TBC1D12: variants seen among roughly 807,000 people sequenced by gnomAD.
The protein encoded by TBC1D12 is TBC1 domain family member 12, also known as TBC1 domain family, member 12.
TBC1D12 carries 56 observed loss-of-function variants against 86.7 expected under a neutral mutation model. That is an observed-to-expected ratio of 0.65 (90% confidence interval 0.52 to 0.81). TBC1D12 has a LOEUF of 0.81. TBC1D12 is among the 30% of genes least tolerant of loss of function. The pLI, the probability that TBC1D12 is intolerant of heterozygous loss-of-function variation, is 0.00. For synonymous variants in TBC1D12, 421 were observed against 411.7 expected (o/e 1.02, Z -0.27); for missense variants, 1,023 against 1,038.8 (o/e 0.98, Z 0.21).
intron 1 of TBC1D12, among the ~76,000 whole-genome samples, chr10:94,422,772 A>G (rs1215345138): frequency 6.6e-6 from 1 of 151,562 alleles, no homozygotes; most frequent in Non-Finnish European, 1.5e-5. Flanking sequence ...GTGTTTCAGT[A>G]TGTTGTCCTG....
chr10:94,523,151 C>T (rs1842199282), intron 11 of TBC1D12, among the ~76,000 whole-genome samples: 1 of 141,298 alleles, frequency 7.1e-6, no homozygotes, highest in African/African-American at 2.6e-5. Context: ...CGAGATCACA[C>T]CCCAGCACTG....
At position 94,403,262 on chromosome 10, in the gene TBC1D12, A is replaced by G. The variant is rs1226089747; in HGVS notation, c.649A>G (p.Ser217Gly). The G allele has an allele frequency of 2.0e-6, 3 of 1,503,900 alleles. No homozygotes were observed. Among genetic ancestry groups the G allele is most frequent in the Non-Finnish European group, 1.8e-6 (2 of 1,128,214 alleles). The allele number at this position is 1,503,900 out of a possible 1,614,324, so 93.2% of individuals were successfully genotyped here. A position where few individuals can be genotyped will look rare whatever the true frequency, so the allele number is the denominator to read the frequency against. Reference protein sequence around the residue: ...ADAQEPEGAGSDSGDSPASSC... With the variant: ...ADAQEPEGAGGDSGDSPASSC... ...CGCCCAGGAGCCCGAGGGCGCGGGC[A>G]GCGACTCGGGGGACAGCCCCGCCAG... Residue 217 changes from serine (S) to glycine (G), a missense_variant, in exon 1 of 13, where the codon AGC becomes GGC. Ser to Gly is a moderately conservative substitution (Grantham distance 56, BLOSUM62 0). Coordinates refer to ENST00000225235, the MANE Select transcript of TBC1D12 (RefSeq NM_015188.2).
intron 3 of TBC1D12, among the ~76,000 whole-genome samples, chr10:94,479,638 G>A (rs911819390): frequency 3.9e-5 from 6 of 152,118 alleles, no homozygotes; most frequent in African/African-American, 1.4e-4. Context: ...CAAGATTTAA[G>A]GTAGTTAGTA....
At chr10:94,449,937 G>A (rs1031927787) in intron 2 of TBC1D12, among the ~76,000 whole-genome samples, 33 of 152,108 alleles carry the variant, frequency 2.2e-4, no homozygotes, top group Non-Finnish European at 1.5e-5. Context: ...TTGGTAAATC[G>A]CTTTCGCTAC....
rs2054799625 is a variant in TBC1D12 at position 94,403,416 on chromosome 10, A to G, written c.803A>G (p.Asp268Gly). 1.3e-6 allele frequency: 2 copies of G among 1,549,910 alleles called. No individual in the cohort carries two copies. The highest frequency in any genetic ancestry group is 1.7e-6 in the Non-Finnish European group (2 of 1,147,834). The change falls in exon 1 of 13, where the codon GAC (aspartate) becomes GGC (glycine). Residue 268 changes from aspartate (D) to glycine (G), a missense_variant. Coordinates refer to ENST00000225235, the MANE Select transcript of TBC1D12 (RefSeq NM_015188.2). Reference sequence around the variant, plus strand: ...GCGGAGCCGCGCCTGGGCTTTTCTGACATTCACTTCAACTCTCGCAACACG... The same window carrying G: ...GCGGAGCCGCGCCTGGGCTTTTCTGGCATTCACTTCAACTCTCGCAACACG... ...GGAEPRLGFS[D>G]IHFNSRNTFQ...
intron 9 of TBC1D12, among the ~76,000 whole-genome samples, chr10:94,513,856 G>C (rs1325862979): frequency 1.3e-5 from 2 of 152,096 alleles, no homozygotes; most frequent in Non-Finnish European, 2.9e-5. Flanking sequence ...ACTGTGCCTG[G>C]CTGATATTAT....
intron 2 of TBC1D12, among the ~76,000 whole-genome samples, chr10:94,470,765 T>C (rs1041279929): frequency 6.6e-6 from 1 of 151,378 alleles, no homozygotes; most frequent in Non-Finnish European, 1.5e-5. Flanking sequence ...CTGATTGCAT[T>C]AGGATGGCAT....
At chr10:94,423,342 C>CTTTTTTTT (rs71486719) in intron 1 of TBC1D12, among the ~76,000 whole-genome samples, 4 of 94,246 alleles carry the variant, frequency 4.2e-5, no homozygotes, top group Non-Finnish European at 5.8e-5. Context: ...CATTCACCAT[C>CTTTTTTTT]TTTTTTTTTT....
At chr10:94,419,165 G>A (rs746533975) in intron 1 of TBC1D12, among the ~76,000 whole-genome samples, 11 of 152,096 alleles carry the variant, frequency 7.2e-5, no homozygotes, top group East Asian at 1.9e-4. Flanking sequence ...GAGTCACCGC[G>A]CCTGGCCTCC....
intron 1 of TBC1D12, among the ~76,000 whole-genome samples, chr10:94,440,117 A>C (rs759532970): frequency 6.6e-6 from 1 of 152,104 alleles, no homozygotes; most frequent in Non-Finnish European, 1.5e-5. Flanking sequence ...CTCTAGTGTC[A>C]TATGTTTATT....
rs1382763462 is a variant in TBC1D12, at chr10:94,422,713, T to C, written c.971+19129T>C. ...CCTTAGCCTTTTGAGTAGTGGGGAC[T>C]ACAGGTACCGTGCTTGGCTATTTTC... On this transcript the variant is annotated intron_variant, in intron 1 of 12. Coordinates refer to ENST00000225235, the MANE Select transcript of TBC1D12 (RefSeq NM_015188.2). Among the ~76,000 whole-genome samples, 14 of 152,170 alleles carry C rather than the reference T, an allele frequency of 9.2e-5. 1 individual carries two copies. In the East Asian group the frequency reaches 2.1e-3, roughly 23 times the overall value.
intron 2 of TBC1D12, among the ~76,000 whole-genome samples, chr10:94,466,577 T>C (rs890700657): frequency 6.6e-6 from 1 of 152,190 alleles, no homozygotes. Flanking sequence ...CCTTTTTTGT[T>C]TGTTTTAATA....
intron 6 of TBC1D12, 127 bp from the exon 7 acceptor site, chr10:94,507,140 G>T: frequency 2.4e-6 from 2 of 826,282 alleles, no homozygotes; most frequent in Middle Eastern, 2.3e-4. Flanking sequence ...ACTTAGATTT[G>T]CCACTTTTTT....
intron 9 of TBC1D12, among the ~76,000 whole-genome samples, chr10:94,514,928 G>C (rs985954909): frequency 9.0e-6 from 1 of 111,584 alleles, no homozygotes; most frequent in African/African-American, 3.6e-5. Flanking sequence ...TTTTTTTTGA[G>C]ACGGAGTCTC....
At chr10:94,460,721 C>T (rs1461724333) in intron 2 of TBC1D12, among the ~76,000 whole-genome samples, 1 of 151,998 alleles carries the variant, frequency 6.6e-6, no homozygotes, top group African/African-American at 2.4e-5. Context: ...TTCCTCCCCT[C>T]TCTCTTGTCC....
intron 3 of TBC1D12, among the ~76,000 whole-genome samples, chr10:94,481,574 G>C (rs1490580998): frequency 6.6e-6 from 1 of 152,220 alleles, no homozygotes; most frequent in East Asian, 1.9e-4. Context: ...AAGAGAGTTA[G>C]GGCCTTGCTA....
intron 7 of TBC1D12, chr10:94,509,316 C>G (rs955502756): frequency 6.9e-5 from 5 of 71,982 alleles, no homozygotes; most frequent in Admixed American, 1.9e-4. Flanking sequence ...AGGCTGGTCT[C>G]GAACTCCTGA....
chr10:94,514,590 A>T (rs111597836), intron 9 of TBC1D12, among the ~76,000 whole-genome samples: 1 of 152,232 alleles, frequency 6.6e-6, no homozygotes, highest in Non-Finnish European at 1.5e-5. Flanking sequence ...TTCCCAAACG[A>T]CATAATTTCT....
At chr10:94,519,940 C>T (rs1364647954) in intron 9 of TBC1D12, among the ~76,000 whole-genome samples, 3 of 152,128 alleles carry the variant, frequency 2.0e-5, no homozygotes, top group Non-Finnish European at 4.4e-5. Flanking sequence ...ATATTCATAG[C>T]TTCTGGTTAT....
Sources: allele counts gnomAD v4.1 joint callset (sites outside exome capture counted in the v4.1 genomes callset), GRCh38; gene constraint gnomAD v4.1.1; transcripts MANE v1.5; gene names NCBI Gene and HGNC (gene_info 2026-07-23, HGNC 2026-07-21).